Variants in VEZF1 observed in about 807,000 individuals in gnomAD.
VEZF1 encodes the protein vascular endothelial zinc finger 1, also known as putative transcription factor DB1.
A neutral mutation model predicts 44.1 loss-of-function variants in VEZF1; 5 were observed. That is an observed-to-expected ratio of 0.11 (90% CI 0.06 to 0.24). VEZF1 has a LOEUF of 0.24. VEZF1 is among the 10% of genes least tolerant of loss of function. The pLI, the probability that VEZF1 is intolerant of heterozygous loss-of-function variation, is 1.00. For synonymous variants in VEZF1, 236 were observed against 233.1 expected, an observed-to-expected ratio of 1.01 and a Z score of -0.11; for missense variants, 358 against 641.8, an observed-to-expected ratio of 0.56 and a Z score of 4.78.
At position 57,974,820 on chromosome 17, in the gene VEZF1, C is replaced by G; in HGVS notation, c.1219G>C (p.Val407Leu). The G allele has an allele frequency of 6.2e-7, 1 of 1,614,178 alleles. No homozygotes were observed. Among genetic ancestry groups the G allele is most frequent in the Non-Finnish European group, 8.5e-7 (1 of 1,180,044 alleles). The stretch of plus-strand genomic sequence containing the variant: ...GGGTTTGACATAGTCCCAGACGACA[C>G]AGAGGATGTTATACTGAATGGAGTA... ...LTTPFSITSS[V>L]SSGTMSNPVT... is the part of the protein sequence containing the mutation. Residue 407 changes from valine (V) to leucine (L), a missense_variant, in exon 6 of 6, where the codon GTG (valine) becomes CTG (leucine). Val to Leu is a conservative substitution (Grantham distance 32, BLOSUM62 1). This residue lies in a region of VEZF1 where 171 missense variants were observed against 272.4 expected (regional missense o/e 0.63). Transcript: ENST00000581208.
intron 1 of VEZF1, chr17:57,985,401 C>A: frequency 8.2e-7 from 1 of 1,226,214 alleles, no homozygotes; most frequent in Non-Finnish European, 1.0e-6. Context: ...TCTGAGGATT[C>A]CTAGGATCCC....
rs1442737201 is a variant in VEZF1 at position 57,983,166 on chromosome 17, A to G, written c.261T>C (p.Tyr87=). 1.9e-6 allele frequency: 3 copies of G among 1,614,154 alleles called. No homozygotes were observed. Among genetic ancestry groups the G allele is most frequent in the Admixed American group, 3.3e-5 (2 of 60,014 alleles). Residue 87 remains tyrosine, a synonymous_variant, in exon 2 of 6, where the codon TAT becomes TAC. Transcript: ENST00000581208. The part of the protein sequence containing the change: ...TYCSKAFRDS[Y]HLRRHESCHT... Reference sequence around the variant, plus strand: ...GGCAGGATTCGTGGCGCCTCAGGTGATAGCTGTCCCTGAAAGCTTTACTGC... The same window carrying G: ...GGCAGGATTCGTGGCGCCTCAGGTGGTAGCTGTCCCTGAAAGCTTTACTGC...
rs1402410737 is a variant in VEZF1, at chr17:57,977,831, C to A, written c.1138+1321G>T. Reference sequence around the variant, plus strand: ...TGCACTCCAGCCTGGGCAACAAGAGCAAAACTCCATCTCAAAAAAAGAAAA... The same window carrying A: ...TGCACTCCAGCCTGGGCAACAAGAGAAAAACTCCATCTCAAAAAAAGAAAA... On this transcript the variant is annotated intron_variant, in intron 5 of 5. Coordinates refer to ENST00000581208, the MANE Select transcript of VEZF1 (RefSeq NM_007146.3). Among the ~76,000 whole-genome samples the A allele has an allele frequency of 5.8e-5, 8 of 137,964 alleles. No homozygotes were observed. The South Asian group carries it at 1.2e-3, about 20-fold the overall frequency. 90.5% of individuals were successfully genotyped at this position (137,964 alleles called of 152,430 possible). A position where few individuals can be genotyped will look rare whatever the true frequency, so the allele number is the denominator to read the frequency against.
At position 57,974,553 on chromosome 17, in the gene VEZF1, C is replaced by T. The variant is rs369029327; in HGVS notation, c.1486G>A (p.Ala496Thr). ...GGTCTCATTGCTATATTGAGAGGGGCGGCTAATGTCATAGGTGTGGGTAGA... is the reference window on the plus strand; with the variant it reads ...GGTCTCATTGCTATATTGAGAGGGGTGGCTAATGTCATAGGTGTGGGTAGA... The part of the protein sequence containing the change: ...MNLPTPMTLA[A>T]PLNIAMRPVE... Residue 496 changes from alanine to threonine, a missense_variant, in exon 6 of 6, where the codon GCC becomes ACC. By Grantham distance (58) the Ala-to-Thr change is moderately conservative. Around this residue, in one of 4 missense-constraint regions of VEZF1, gnomAD observed 171 missense variants for 272.4 expected, o/e 0.63. Coordinates refer to ENST00000581208, the MANE Select transcript of VEZF1 (RefSeq NM_007146.3). The T allele has an allele frequency of 9.9e-6, 16 of 1,613,822 alleles. No individual in the cohort carries two copies. The highest frequency in any genetic ancestry group is 3.3e-5 in the Admixed American group (2 of 59,988).
At chr17:57,986,606 T>C (rs918912071) in intron 1 of VEZF1, among the ~76,000 whole-genome samples, 4 of 152,232 alleles carry the variant, frequency 2.6e-5, no homozygotes, top group African/African-American at 9.6e-5. Context: ...TTGGGTATTT[T>C]AGATTTTAAG....
At chr17:57,986,200 G>A (rs1846916621) in intron 1 of VEZF1, 1 of 152,050 alleles carries the variant, frequency 6.6e-6, no homozygotes, top group South Asian at 2.1e-4. Flanking sequence ...ATAAACGCTT[G>A]GCATTTGTTT....
chr17:57,982,596 G>T, intron 2 of VEZF1, 103 bp downstream of exon 2: 2 of 1,129,562 alleles, frequency 1.8e-6, no homozygotes, highest in Non-Finnish European at 2.5e-6. Flanking sequence ...ACACAGGTCT[G>T]CCCACATCTG....
intron 5 of VEZF1, among the ~76,000 whole-genome samples, chr17:57,976,532 C>T (rs905843656): frequency 6.6e-6 from 1 of 152,076 alleles, no homozygotes; most frequent in Non-Finnish European, 1.5e-5. Context: ...ATATGATTGT[C>T]GATCAGGTTT....
intron 5 of VEZF1, among the ~76,000 whole-genome samples, chr17:57,978,276 T>C (rs1187156872): frequency 1.3e-5 from 2 of 149,732 alleles, no homozygotes; most frequent in South Asian, 2.1e-4. Flanking sequence ...AAGCAAAAGA[T>C]GGAAGAAACT....
rs2075149189 is a variant in VEZF1, at chr17:57,972,713, T to G, written c.*1760A>C. 6.6e-6 allele frequency: 1 copy of G among 152,544 alleles called. No individual in the cohort carries two copies. Among genetic ancestry groups the G allele is most frequent in the Admixed American group, 6.5e-5 (1 of 15,280 alleles). The allele number at this position is 152,544 out of a possible 1,614,324, so 9.4% of individuals were successfully genotyped here. On this transcript the variant is annotated 3_prime_UTR_variant, in exon 6 of 6. Transcript: ENST00000581208. The stretch of plus-strand genomic sequence containing the variant: ...CCTGCTAAACAGAAAGTTCCTAAGC[T>G]TTTATATATACAAAAGTTGTACAAT...
At position 57,979,247 on chromosome 17, in the gene VEZF1, TGCTGCTGCTGCTGC is replaced by T. The variant is rs2075222615; in HGVS notation, c.1029_1042del (p.Gln344AlafsTer27). ...CACATGTTGTTGTTGTTGTTGTTGC[TGCTGCTGCTGCTGC>T]TGCTGCTGCTGCTGCTGCTGCTTTT... On this transcript the variant is annotated frameshift_variant, in exon 5 of 6. Transcript: ENST00000581208. LOFTEE classifies it high-confidence loss of function. 6 of 1,575,486 alleles carry T rather than the reference TGCTGCTGCTGCTGC, an allele frequency of 3.8e-6. No individual in the cohort carries two copies. Among genetic ancestry groups the T allele is most frequent in the South Asian group, 3.4e-5 (3 of 89,246 alleles).
intron 4 of VEZF1, among the ~76,000 whole-genome samples, chr17:57,979,792 T>C (rs2075229523): frequency 6.6e-6 from 1 of 151,448 alleles, no homozygotes; most frequent in South Asian, 2.1e-4. Context: ...AAACGCCGTC[T>C]CTATGAAAAT....
At position 57,974,906 on chromosome 17, in the gene VEZF1, A is replaced by G. The variant is rs2075173997; in HGVS notation, c.1139-6T>C. The G allele has an allele frequency of 1.9e-6, 3 of 1,602,818 alleles. No homozygotes were observed. Among genetic ancestry groups the G allele is most frequent in the Non-Finnish European group, 1.7e-6 (2 of 1,171,042 alleles). On this transcript the variant is annotated splice_polypyrimidine_tract_variant and splice_region_variant and intron_variant, in intron 5 of 5. Transcript: ENST00000581208. ...TTGGCACAGGTTAGCAGCTTCTAAA[A>G]TAAGAAGAAAAAGGGTCTTTAGATT...
chr17:57,981,934 G>C lies in VEZF1; in HGVS notation c.731C>G (p.Pro244Arg). The part of the protein sequence containing the change: ...CSVCGKGFSR[P>R]DHLSCHVKHV... The stretch of plus-strand genomic sequence containing the variant: ...TTTTACATGACAGCTTAAGTGGTCA[G>C]GCCTGTGAAAAAGAGAGTTTCAACA... Residue 244 changes from proline (P) to arginine (R), a missense_variant and splice_region_variant, in exon 3 of 6, where the codon CCT becomes CGT. By Grantham distance (103) the Pro-to-Arg change is moderately radical. This residue lies in a region of VEZF1 where 48 missense variants were observed against 144.9 expected (regional missense o/e 0.33). Transcript: ENST00000581208. 6.2e-7 allele frequency: 1 copy of C among 1,614,040 alleles called. No individual in the cohort carries two copies. Among genetic ancestry groups the C allele is most frequent in the Non-Finnish European group, 8.5e-7 (1 of 1,179,942 alleles).
Position 57,972,871 on chromosome 17 carries a change from T to C in VEZF1, c.*1602A>G, listed in dbSNP as rs531872977. 1 of 152,736 alleles carries C rather than the reference T, an allele frequency of 6.5e-6. No homozygotes were observed. Among genetic ancestry groups the C allele is most frequent in the Non-Finnish European group, 1.5e-5 (1 of 68,026 alleles). 9.5% of individuals were successfully genotyped at this position (152,736 alleles called of 1,614,324 possible). ...ATGACACACAGATACCTGTCCCTGATGTAGGAAGTCTGTCTCAGATGCAAG... is the reference window on the plus strand; with the variant it reads ...ATGACACACAGATACCTGTCCCTGACGTAGGAAGTCTGTCTCAGATGCAAG... On this transcript the variant is annotated 3_prime_UTR_variant, in exon 6 of 6. Coordinates refer to ENST00000581208, the MANE Select transcript of VEZF1 (RefSeq NM_007146.3).
In VEZF1 at chr17:57,974,353, CTTA is replaced by C. The variant is rs1346471443; in HGVS notation, c.*117_*119del. 8.4e-7 allele frequency: 1 copy of C among 1,186,180 alleles called. No homozygotes were observed. The highest frequency in any genetic ancestry group is 1.2e-6 in the Non-Finnish European group (1 of 855,022). The allele number at this position is 1,186,180 out of a possible 1,614,324, so 73.5% of individuals were successfully genotyped here. A position where few individuals can be genotyped will look rare whatever the true frequency, so the allele number is the denominator to read the frequency against. On this transcript the variant is annotated 3_prime_UTR_variant, in exon 6 of 6. Transcript: ENST00000581208. The stretch of plus-strand genomic sequence containing the variant: ...AATTGGAGAAAAATGCTACCACACT[CTTA>C]TTAACTAATGTAATAAAATCTCCCA...
At position 57,988,096 on chromosome 17, in the gene VEZF1, TC is replaced by T; in HGVS notation, c.15del (p.Trp5Ter). MEAN[W>X]TAFLFQAHEA... is the part of the protein sequence containing the mutation. ...CCCAGTACCTGGAACAGGAACGCGG[TC>T]CAGTTGGCCTCCATGGCTGCGGCGG... On this transcript the variant is annotated frameshift_variant, in exon 1 of 6. Coordinates refer to ENST00000581208, the MANE Select transcript of VEZF1 (RefSeq NM_007146.3). LOFTEE classifies it high-confidence loss of function. 1.4e-6 allele frequency: 1 copy of T among 726,022 alleles called. No individual in the cohort carries two copies. Among genetic ancestry groups the T allele is most frequent in the Non-Finnish European group, 1.8e-6 (1 of 561,482 alleles). The allele number at this position is 726,022 out of a possible 1,614,324, so 45.0% of individuals were successfully genotyped here.
intron 1 of VEZF1, 151 bp from the exon 2 acceptor site, chr17:57,983,544 A>C (rs2075270462): frequency 2.9e-6 from 2 of 696,556 alleles, no homozygotes; most frequent in Non-Finnish European, 4.7e-6. Flanking sequence ...AGTTACTCTA[A>C]GAGCTCACAA....
rs1348572096 is a variant in VEZF1, at chr17:57,972,802, A to G, written c.*1671T>C. ...TTTTACACTAAGTACTATTTATTTTATTTTTTTACTATGTAGTTCAACCCC... is the reference window on the plus strand; with the variant it reads ...TTTTACACTAAGTACTATTTATTTTGTTTTTTTACTATGTAGTTCAACCCC... On this transcript the variant is annotated 3_prime_UTR_variant, in exon 6 of 6. Transcript: ENST00000581208. The G allele has an allele frequency of 6.6e-6, 1 of 152,474 alleles. No homozygotes were observed. The highest frequency in any genetic ancestry group is 1.5e-5 in the Non-Finnish European group (1 of 68,022). The allele number at this position is 152,474 out of a possible 1,614,324, so 9.4% of individuals were successfully genotyped here.
Sources: allele counts gnomAD v4.1 joint callset (sites outside exome capture counted in the v4.1 genomes callset), GRCh38; gene constraint gnomAD v4.1.1; regional missense constraint gnomAD v4.1.1; transcripts MANE v1.5; gene names NCBI Gene and HGNC (gene_info 2026-07-23, HGNC 2026-07-21).